The following SLC17A1 variants were observed in gnomAD, a reference collection of about 807,000 sequenced individuals.
The protein encoded by SLC17A1 is solute carrier family 17 member 1, also known as sodium-dependent phosphate transport protein 1.
SLC17A1 carries 51 observed loss-of-function variants against 53.5 expected under a neutral mutation model. That is an observed-to-expected ratio of 0.95 (90% confidence interval 0.76 to 1.20). The LOEUF is 1.20. Ranked by LOEUF, SLC17A1 falls within the 50% of genes most tolerant of loss-of-function variation. The probability of loss-of-function intolerance (pLI) is 0.00; values close to 1 mark genes in which losing one functional copy is unlikely to be tolerated. For synonymous variants in SLC17A1, 179 were observed against 198.8 expected (o/e 0.90, Z 0.84); for missense variants, 538 against 568.2 (o/e 0.95, Z 0.54).
At chr6:25,742,521 A>AAAC in the SLC17A1 span, among the ~76,000 whole-genome samples, 1 of 151,728 alleles carries the variant, frequency 6.6e-6, no homozygotes, top group Non-Finnish European at 1.5e-5. Flanking sequence ...ACAAAAAAAA[A>AAAC]AAAAAACAGA....
At chr6:25,825,496 A>T (rs936239943) in intron 3 of SLC17A1, among the ~76,000 whole-genome samples, 3 of 151,962 alleles carry the variant, frequency 2.0e-5, no homozygotes, top group African/African-American at 7.2e-5. Flanking sequence ...ATGGTTTCTG[A>T]TAAGAAGTCT....
chr6:25,734,046 C>T, the SLC17A1 span, among the ~76,000 whole-genome samples: 1 of 152,024 alleles, frequency 6.6e-6, no homozygotes, highest in Non-Finnish European at 1.5e-5. Flanking sequence ...AAACTCCTGA[C>T]CTCAGTTGAT....
chr6:25,800,557 ACTGTAT>A (rs1370936924), intron 11 of SLC17A1, among the ~76,000 whole-genome samples: 1 of 152,062 alleles, frequency 6.6e-6, no homozygotes, highest in Non-Finnish European at 1.5e-5. Context: ...TTTTGAGAAA[ACTGTAT>A]CTTGTTACTT....
chr6:25,727,008 ACCCGT>A, the SLC17A1 span: 1 of 1,614,186 alleles, frequency 6.2e-7, no homozygotes, highest in Non-Finnish European at 8.5e-7. Context: ...GCGCAAGAGG[ACCCGT>A]AAGGAGAGTT....
chr6:25,782,192 T>C (rs1763281631), downstream of SLC17A1, among the ~76,000 whole-genome samples: 1 of 152,148 alleles, frequency 6.6e-6, no homozygotes, highest in Admixed American at 6.6e-5. Flanking sequence ...TTTATATCTT[T>C]CTTCCTACTT....
At chr6:25,738,763 G>A in the SLC17A1 span, among the ~76,000 whole-genome samples, 1 of 152,006 alleles carries the variant, frequency 6.6e-6, no homozygotes, top group African/African-American at 2.4e-5. Context: ...ACACACAAAG[G>A]GCAAAAAAGC....
At chr6:25,726,393 C>T in the SLC17A1 span, 410,690 of 1,613,876 alleles carry the variant, frequency 0.25, 53,956 homozygotes, top group African/African-American at 0.3. Context: ...GTGCGCCTGC[C>T]CCTATCCGCT....
the SLC17A1 span, among the ~76,000 whole-genome samples, chr6:25,738,103 G>C: frequency 6.6e-6 from 1 of 152,140 alleles, no homozygotes; most frequent in Non-Finnish European, 1.5e-5. Flanking sequence ...AAAAGTACAA[G>C]TAAAAGGAAC....
chr6:25,791,313 A>C (rs183419559), intron 12 of SLC17A1, among the ~76,000 whole-genome samples: 17 of 152,312 alleles, frequency 1.1e-4, no homozygotes, highest in Admixed American at 3.3e-4. Context: ...ATACTAGAAA[A>C]TAATATTTTC....
the SLC17A1 span, among the ~76,000 whole-genome samples, chr6:25,741,994 G>A: frequency 6.6e-6 from 1 of 152,146 alleles, no homozygotes; most frequent in Non-Finnish European, 1.5e-5. Context: ...GAACCAGAGG[G>A]CCACAGCTGG....
the SLC17A1 span, among the ~76,000 whole-genome samples, chr6:25,752,880 A>G: frequency 3.3e-5 from 5 of 152,112 alleles, no homozygotes; most frequent in East Asian, 7.7e-4. Flanking sequence ...TGAACCCGGG[A>G]GACAGAGCTT....
chr6:25,733,808 G>A, the SLC17A1 span, among the ~76,000 whole-genome samples: 440 of 51,270 alleles, frequency 8.6e-3, 1 homozygote, highest in African/African-American at 0.026. Flanking sequence ...GTGTGTGTAT[G>A]TGTGTGTGTG....
At chr6:25,780,904 A>G (rs1763251999), downstream of SLC17A1, 3 of 152,214 alleles carry the variant, frequency 2.0e-5, no homozygotes, top group South Asian at 2.1e-4. Flanking sequence ...TTGCTATTAT[A>G]TTAATGGGGA....
downstream of SLC17A1, chr6:25,779,295 T>C: frequency 6.8e-7 from 1 of 1,469,296 alleles, no homozygotes; most frequent in Non-Finnish European, 9.2e-7. Flanking sequence ...AGCTAGACCC[T>C]GACTATGTAA....
rs548696259 is a variant in SLC17A1 at position 25,798,995 on chromosome 6, T to A, written c.1270-76A>T. ...GTTTTGTAATGTTTAAAATGTAATA[T>A]TAAAAATGTAGACTCAAGTCACGTA... On this transcript the variant is annotated intron_variant, in intron 11 of 12. Transcript: ENST00000244527. 1.7e-5 allele frequency: 23 copies of A among 1,383,264 alleles called. No individual in the cohort carries two copies. The African/African-American group carries it at 3.0e-4, about 18-fold the overall frequency. 85.7% of individuals were successfully genotyped at this position (1,383,264 alleles called of 1,614,324 possible). A position where few individuals can be genotyped will look rare whatever the true frequency, so the allele number is the denominator to read the frequency against.
intron 3 of SLC17A1, among the ~76,000 whole-genome samples, chr6:25,824,982 C>T (rs1221146293): frequency 6.6e-6 from 1 of 151,868 alleles, no homozygotes; most frequent in Non-Finnish European, 1.5e-5. Flanking sequence ...TGGTTATCTT[C>T]ATTGCTATAA....
intron 2 of SLC17A1, among the ~76,000 whole-genome samples, chr6:25,830,163 T>A (rs562897359): frequency 1.3e-5 from 2 of 152,328 alleles, no homozygotes; most frequent in South Asian, 4.1e-4. Flanking sequence ...CAGCTGTTGA[T>A]GTCCAAGAAT....
intron 10 of SLC17A1, among the ~76,000 whole-genome samples, chr6:25,806,458 A>C (rs1561831974): frequency 6.6e-6 from 1 of 152,076 alleles, no homozygotes; most frequent in African/African-American, 2.4e-5. Flanking sequence ...TCCTCCTGAC[A>C]ACTGGAACAA....
the SLC17A1 span, among the ~76,000 whole-genome samples, chr6:25,742,531 A>C: frequency 0.27 from 39,816 of 146,950 alleles, 6,646 homozygotes; most frequent in East Asian, 0.7. Context: ...AAAAAAACAG[A>C]TGGGTGTGGT....
Sources: gnomAD v4.1 joint callset for allele counts (sites outside exome capture counted in the v4.1 genomes callset) on GRCh38, gnomAD v4.1.1 for gene constraint, MANE v1.5 for transcripts, NCBI Gene and HGNC (gene_info 2026-07-23, HGNC 2026-07-21) for gene names.